Variants in SYT16 observed in about 807,000 individuals in gnomAD.
SYT16 encodes synaptotagmin 16, also known as synaptotagmin-16.
SYT16 carries 42 observed loss-of-function variants against 61.4 expected under a neutral mutation model. The observed-to-expected ratio is 0.68, with a 90% CI of 0.53 to 0.89. The LOEUF is 0.89. Among genes scored for constraint, SYT16 ranks in the 40% least tolerant of loss-of-function variants. The pLI is 0.00. For synonymous variants in SYT16, 314 were observed against 302.3 expected (o/e 1.04, Z -0.40); for missense variants, 804 against 807.3 (o/e 1.00, Z 0.05).
intron 7 of SYT16, among the ~76,000 whole-genome samples, chr14:62,090,488 AAATG>A (rs1321653426): frequency 3.3e-5 from 5 of 152,326 alleles, no homozygotes; most frequent in African/African-American, 1.2e-4. Context: ...GACTCAGTGA[AAATG>A]AACATATATG....
chr14:61,955,562 C>T (rs2050841863), intron 1 of SYT16, among the ~76,000 whole-genome samples: 1 of 149,596 alleles, frequency 6.7e-6, no homozygotes. Context: ...CTCTGTGTGT[C>T]TTATTTTACT....
At position 61,812,764 on chromosome 14, in the gene SYT16, C is replaced by T. The variant is rs2045306153; in HGVS notation, c.-371C>T. On this transcript the variant is annotated 5_prime_UTR_variant, in exon 1 of 8. Transcript: ENST00000683842. Reference sequence around the variant, plus strand: ...CGGGCTCGGCGCCGGTTTCCCGAACCTGGGCGGCCGTCGGGCAGCCCCCTC... The same window carrying T: ...CGGGCTCGGCGCCGGTTTCCCGAACTTGGGCGGCCGTCGGGCAGCCCCCTC... 1 of 151,390 alleles carries T rather than the reference C, an allele frequency of 6.6e-6. No homozygotes were observed. The highest frequency in any genetic ancestry group is 6.6e-5 in the Admixed American group (1 of 15,204). The allele number at this position is 151,390 out of a possible 1,614,324, so 9.4% of individuals were successfully genotyped here. A position where few individuals can be genotyped will look rare whatever the true frequency, so the allele number is the denominator to read the frequency against.
rs997162861 is a variant in SYT16 at position 61,889,818 on chromosome 14, C to T, written c.-325+77008C>T. On this transcript the variant is annotated intron_variant, in intron 1 of 7. Coordinates refer to ENST00000683842, the MANE Select transcript of SYT16 (RefSeq NM_001367656.1). ...TAACTCTCTTTTCTTTATAAATTAC[C>T]CAGCCTCAGCATTCCTTTATACCAA... Among the ~76,000 whole-genome samples, 8 of 151,992 alleles carry T rather than the reference C, an allele frequency of 5.3e-5. No individual in the cohort carries two copies. In the East Asian group the frequency reaches 5.8e-4, roughly 11 times the overall value.
intron 1 of SYT16, among the ~76,000 whole-genome samples, chr14:61,828,774 C>T (rs948762945): frequency 6.6e-6 from 1 of 152,244 alleles, no homozygotes; most frequent in South Asian, 2.1e-4. Flanking sequence ...TGTGCAGTGA[C>T]AGTTTGTCCT....
chr14:61,903,599 C>T lies in SYT16; in HGVS notation c.-324-66533C>T, dbSNP rs570459876. On this transcript the variant is annotated intron_variant, in intron 1 of 7. Coordinates refer to ENST00000683842, the MANE Select transcript of SYT16 (RefSeq NM_001367656.1). ...TTGGTTGACTAATATATCCTTAATG[C>T]TTAGAACATGACTGGGCTTAATAAA... Among the ~76,000 whole-genome samples, 7 of 152,272 alleles carry T rather than the reference C, an allele frequency of 4.6e-5. No individual in the cohort carries two copies. In the East Asian group the frequency reaches 1.3e-3, roughly 29 times the overall value.
At chr14:61,845,184 A>T (rs2046409157) in intron 1 of SYT16, among the ~76,000 whole-genome samples, 1 of 151,246 alleles carries the variant, frequency 6.6e-6, no homozygotes, top group South Asian at 2.1e-4. Context: ...AGTAGCTGGG[A>T]TTACAGGCAT....
intron 3 of SYT16, among the ~76,000 whole-genome samples, chr14:62,054,299 G>T (rs1197860134): frequency 7.1e-6 from 1 of 141,328 alleles, no homozygotes; most frequent in Non-Finnish European, 1.5e-5. Context: ...CTGATCTACA[G>T]ATTGTATGAT....
intron 1 of SYT16, among the ~76,000 whole-genome samples, chr14:61,830,084 C>A (rs140627623): frequency 2.6e-5 from 4 of 152,076 alleles, no homozygotes; most frequent in African/African-American, 9.6e-5. Context: ...CAGTTTTATT[C>A]TTTATATCTT....
chr14:61,877,439 G>C (rs971190169), intron 1 of SYT16, among the ~76,000 whole-genome samples: 1 of 152,168 alleles, frequency 6.6e-6, no homozygotes, highest in Non-Finnish European at 1.5e-5. Context: ...CCGTGTATAT[G>C]AATCTCTTTG....
chr14:62,025,876 T>C (rs2054083400), intron 3 of SYT16, among the ~76,000 whole-genome samples: 1 of 149,782 alleles, frequency 6.7e-6, no homozygotes, highest in African/African-American at 2.5e-5. Flanking sequence ...CACTTGCAAA[T>C]TGTTAAAAAA....
At chr14:61,903,525 T>C (rs1207000117) in intron 1 of SYT16, among the ~76,000 whole-genome samples, 2 of 152,218 alleles carry the variant, frequency 1.3e-5, no homozygotes, top group African/African-American at 4.8e-5. Context: ...TAGATTAGGA[T>C]TTCTTTTCAA....
rs557500771 is a variant in SYT16, at chr14:61,833,248, C to T, written c.-325+20438C>T. ...TTTAGACCCCTCAACCTGTGCAAGT[C>T]CTAGATTTCTATTTCTCATGGCTCA... On this transcript the variant is annotated intron_variant, in intron 1 of 7. Coordinates refer to ENST00000683842, the MANE Select transcript of SYT16 (RefSeq NM_001367656.1). 4.4e-4 allele frequency among the ~76,000 whole-genome samples: 66 copies of T among 151,524 alleles called. 3 individuals carry two copies. In the South Asian group the frequency reaches 0.014, roughly 32 times the overall value.
chr14:61,865,017 T>G, intron 1 of SYT16: 1 of 1,414,126 alleles, frequency 7.1e-7, no homozygotes. Context: ...TTTGATGCCC[T>G]GAGAGGGCAT....
intron 1 of SYT16, among the ~76,000 whole-genome samples, chr14:61,929,401 G>A (rs932379788): frequency 6.6e-6 from 1 of 152,224 alleles, no homozygotes; most frequent in African/African-American, 2.4e-5. Flanking sequence ...AGGGGAGGAT[G>A]CGTACAAGTC....
chr14:62,059,762 GT>G (rs1426132290), intron 3 of SYT16, among the ~76,000 whole-genome samples: 2 of 122,888 alleles, frequency 1.6e-5, no homozygotes, highest in Non-Finnish European at 3.2e-5. Flanking sequence ...ATATATATGT[GT>G]ATATGTATAC....
intron 7 of SYT16, 92 bp downstream of exon 7, chr14:62,084,477 TA>T: frequency 1.4e-6 from 2 of 1,388,804 alleles, no homozygotes; most frequent in South Asian, 2.7e-5. Context: ...ATTTTTACCA[TA>T]AAAATGATCT....
At chr14:62,029,211 C>T (rs1309027519) in intron 3 of SYT16, among the ~76,000 whole-genome samples, 5 of 152,170 alleles carry the variant, frequency 3.3e-5, no homozygotes, top group African/African-American at 9.7e-5. Flanking sequence ...TCACTGCAAC[C>T]TCTGCCTCCC....
chr14:61,863,835 G>A (rs879390396), intron 1 of SYT16, among the ~76,000 whole-genome samples: 1 of 151,742 alleles, frequency 6.6e-6, no homozygotes, highest in Non-Finnish European at 1.5e-5. Flanking sequence ...GCATATCAAT[G>A]CCCAGTTGTT....
intron 1 of SYT16, among the ~76,000 whole-genome samples, chr14:61,915,816 G>C (rs775900485): frequency 2.0e-5 from 3 of 152,218 alleles, no homozygotes; most frequent in Non-Finnish European, 1.5e-5. Context: ...CCCATTTGAA[G>C]GTTGCTTCTA....
Sources: allele counts gnomAD v4.1 joint callset (sites outside exome capture counted in the v4.1 genomes callset), GRCh38; gene constraint gnomAD v4.1.1; transcripts MANE v1.5; gene names NCBI Gene and HGNC (gene_info 2026-07-23, HGNC 2026-07-21).